Variants in PATJ observed in about 807,000 individuals in gnomAD.
PATJ encodes PATJ crumbs cell polarity complex component, also known as inaD-like protein.
In PATJ, 190 loss-of-function variants were observed where a neutral mutation model predicts 224.9. The ratio of observed to expected loss-of-function variants is 0.84; its 90% CI spans 0.75 to 0.95. PATJ has a LOEUF of 0.95. Among genes scored for constraint, PATJ ranks in the 40% least tolerant of loss-of-function variants. The pLI is 0.00. For missense variants in PATJ, 2,121 were observed against 2,270.3 expected, an observed-to-expected ratio of 0.93 and a Z score of 1.34; for synonymous variants, 769 against 820.3, an observed-to-expected ratio of 0.94 and a Z score of 1.07.
intron 22 of PATJ, 24 bp from the exon 23 acceptor site, chr1:61,899,559 A>ATTTTTTT: frequency 6.4e-7 from 1 of 1,556,970 alleles, no homozygotes; most frequent in Non-Finnish European, 8.8e-7. Flanking sequence ...AATTGTGTGT[A>ATTTTTTT]TTTTTTTCTT....
intron 28 of PATJ, chr1:61,991,741 A>G (rs1645076652): frequency 1.0e-6 from 1 of 984,202 alleles, no homozygotes. Flanking sequence ...TAATCATTAC[A>G]TAAATAAAGT....
chr1:61,841,117 TATG>T (rs1193816360), intron 17 of PATJ, among the ~76,000 whole-genome samples: 3 of 152,178 alleles, frequency 2.0e-5, no homozygotes, highest in Non-Finnish European at 4.4e-5. Context: ...ATATTCAGAC[TATG>T]ATATTAGTGC....
intron 28 of PATJ, among the ~76,000 whole-genome samples, chr1:62,012,396 G>A (rs6672540): frequency 0.013 from 2,020 of 152,190 alleles, 51 homozygotes; most frequent in African/African-American, 0.045. Context: ...AGTTTAGCAC[G>A]GTGTTCTGCA....
At chr1:61,880,663 T>C (rs1667961460) in intron 21 of PATJ, among the ~76,000 whole-genome samples, 1 of 152,268 alleles carries the variant, frequency 6.6e-6, no homozygotes, top group African/African-American at 2.4e-5. Flanking sequence ...GCTATGTTAT[T>C]ATTACTCAAC....
At chr1:62,139,434 C>T (rs1257739484) in intron 41 of PATJ, among the ~76,000 whole-genome samples, 1 of 146,170 alleles carries the variant, frequency 6.8e-6, no homozygotes, top group Non-Finnish European at 1.5e-5. Flanking sequence ...AAAGAGCAAA[C>T]TTCTCATTAG....
chr1:61,908,630 G>A (rs113791799), intron 25 of PATJ, 148 bp downstream of exon 25: 30 of 600,930 alleles, frequency 5.0e-5, no homozygotes, highest in Middle Eastern at 4.1e-4. Context: ...TTAGTCATAA[G>A]GTTCCCTTTT....
At chr1:61,916,855 T>C (rs377607387) in intron 26 of PATJ, among the ~76,000 whole-genome samples, 296 of 152,256 alleles carry the variant, frequency 1.9e-3, no homozygotes, top group South Asian at 5.4e-3. Context: ...GATGAAATCA[T>C]AGGGAGTCCA....
At chr1:61,773,243 C>T (rs1401225776) in intron 6 of PATJ, among the ~76,000 whole-genome samples, 4 of 151,746 alleles carry the variant, frequency 2.6e-5, no homozygotes, top group South Asian at 2.1e-4. Context: ...AGGCTGGTCT[C>T]GAACTCCTGA....
intron 27 of PATJ, among the ~76,000 whole-genome samples, chr1:61,965,531 G>A (rs1390849616): frequency 6.6e-6 from 1 of 152,078 alleles, no homozygotes; most frequent in Non-Finnish European, 1.5e-5. Context: ...TCTCACTAAC[G>A]TTGTCAACCA....
intron 7 of PATJ, among the ~76,000 whole-genome samples, chr1:61,785,155 T>C (rs1648241767): frequency 6.6e-6 from 1 of 152,218 alleles, no homozygotes; most frequent in Non-Finnish European, 1.5e-5. Context: ...CTTGCGGTGG[T>C]GCCACCTGGA....
At chr1:62,039,939 G>T (rs931641339) in intron 30 of PATJ, among the ~76,000 whole-genome samples, 1 of 151,766 alleles carries the variant, frequency 6.6e-6, no homozygotes, top group Non-Finnish European at 1.5e-5. Flanking sequence ...CTCCTGGTTG[G>T]GGGGTGGGGG....
intron 31 of PATJ, among the ~76,000 whole-genome samples, chr1:62,063,933 A>G (rs1450336476): frequency 6.6e-6 from 1 of 152,222 alleles, no homozygotes; most frequent in African/African-American, 2.4e-5. Flanking sequence ...TTACAGAATC[A>G]TATCATCAGT....
At chr1:62,145,992 T>G (rs189532905) in intron 41 of PATJ, among the ~76,000 whole-genome samples, 15 of 151,260 alleles carry the variant, frequency 9.9e-5, no homozygotes, top group South Asian at 6.3e-4. Context: ...ATGAAAGAAA[T>G]AAATATTTAG....
At position 62,053,715 on chromosome 1, in the gene PATJ, G is replaced by A. The variant is rs560266067; in HGVS notation, c.4125+2657G>A. Among the ~76,000 whole-genome samples the A allele has an allele frequency of 6.1e-4, 80 of 131,462 alleles. No individual in the cohort carries two copies. In the East Asian group the frequency reaches 0.011, roughly 18 times the overall value. The allele number at this position is 131,462 out of a possible 152,430, so 86.2% of individuals were successfully genotyped here. ...GCCTGGGCAAGAAGAGCGAAATTCCGTCTAAAAAAAAAAAAGTGTCTTGAA... is the reference window on the plus strand; with the variant it reads ...GCCTGGGCAAGAAGAGCGAAATTCCATCTAAAAAAAAAAAAGTGTCTTGAA... On this transcript the variant is annotated intron_variant, in intron 31 of 43. Transcript: ENST00000642238.
chr1:62,134,330 C>CTTTTTTTTTTTTTTTTTT (rs779235130), intron 41 of PATJ, among the ~76,000 whole-genome samples: 2 of 96,516 alleles, frequency 2.1e-5, no homozygotes, highest in Non-Finnish European at 3.8e-5. Flanking sequence ...CCAGCCCTCT[C>CTTTTTTTTTTTTTTTTTT]TTTTTTTTTT....
chr1:61,959,054 G>A (rs1391373352), intron 27 of PATJ, among the ~76,000 whole-genome samples: 2 of 152,044 alleles, frequency 1.3e-5, no homozygotes, highest in Non-Finnish European at 2.9e-5. Context: ...GGGGTATTTG[G>A]GGGATTGAAA....
At chr1:62,114,937 A>G (rs1345388904) in intron 35 of PATJ, 1 of 152,060 alleles carries the variant, frequency 6.6e-6, no homozygotes, top group Non-Finnish European at 1.5e-5. Context: ...AAAGGAAAAA[A>G]GAAAGATGTC....
intron 42 of PATJ, among the ~76,000 whole-genome samples, chr1:62,151,169 GAA>G (rs1668594042): frequency 6.6e-6 from 1 of 152,022 alleles, no homozygotes; most frequent in South Asian, 2.1e-4. Flanking sequence ...ACAAGAAAAA[GAA>G]ATCAGTTAAC....
intron 32 of PATJ, among the ~76,000 whole-genome samples, chr1:62,083,308 G>A (rs1489984049): frequency 2.0e-5 from 3 of 152,138 alleles, no homozygotes. Context: ...TTTTAGTAGA[G>A]ACGAGGTTTC....
Sources: allele counts gnomAD v4.1 joint callset (sites outside exome capture counted in the v4.1 genomes callset), GRCh38; gene constraint gnomAD v4.1.1; transcripts MANE v1.5; gene names NCBI Gene and HGNC (gene_info 2026-07-23, HGNC 2026-07-21).